H3-3A: variants seen among roughly 807,000 people sequenced by gnomAD.
H3-3A encodes histone H3.3.
For synonymous variants in H3-3A, 49 were observed against 61.4 expected (o/e 0.80, Z 0.95); for missense variants, 7 against 184.0 (o/e 0.04, Z 5.57).
At chr1:226,064,256 G>T (rs983079262) in intron 1 of H3-3A, 73 bp from the exon 2 acceptor site, 1 of 1,016,098 alleles carries the variant, frequency 9.8e-7, no homozygotes, top group Non-Finnish European at 1.5e-6. Flanking sequence ...TTTGGGGAGG[G>T]GGTGATCGTG....
rs542501207 is a variant in H3-3A, at chr1:226,070,153, G to A, written c.283-1198G>A. 2.6e-5 allele frequency among the ~76,000 whole-genome samples: 4 copies of A among 152,266 alleles called. No individual in the cohort carries two copies. The South Asian group carries it at 8.3e-4, about 32-fold the overall frequency. On this transcript the variant is annotated intron_variant, in intron 3 of 3. Coordinates refer to ENST00000366815, the MANE Select transcript of H3-3A (RefSeq NM_002107.7). ...GGAAGGTACTTGGTAGAGGACAGGG[G>A]CATGTTTCCGGGGCATAGATCAAAG...
intron 1 of H3-3A, 95 bp from the exon 2 acceptor site, chr1:226,064,234 A>C: frequency 1.2e-6 from 1 of 846,504 alleles, no homozygotes; most frequent in Non-Finnish European, 1.9e-6. Flanking sequence ...TATACTGATC[A>C]TAATTTCCAG....
At chr1:226,069,783 G>A (rs1047481812) in intron 3 of H3-3A, among the ~76,000 whole-genome samples, 3 of 151,982 alleles carry the variant, frequency 2.0e-5, no homozygotes, top group African/African-American at 4.8e-5. Flanking sequence ...GTGAGCCGAG[G>A]TTATACCACT....
intron 3 of H3-3A, 22 bp downstream of exon 3, chr1:226,065,831 C>CTCAG (rs1160876624): frequency 6.4e-7 from 1 of 1,559,456 alleles, no homozygotes; most frequent in Non-Finnish European, 8.7e-7. Flanking sequence ...GGTGGGAAGA[C>CTCAG]TCAGAGTTTG....
chr1:226,069,319 T>G (rs1301634572), intron 3 of H3-3A, among the ~76,000 whole-genome samples: 1 of 151,440 alleles, frequency 6.6e-6, no homozygotes. Context: ...AGTGCTGGGA[T>G]TACAGGCGTG....
rs965563731 is a variant in H3-3A at position 226,067,058 on chromosome 1, T to C, written c.282+1249T>C. 4 of 152,246 alleles carry C rather than the reference T, an allele frequency of 2.6e-5. No homozygotes were observed. The East Asian group carries it at 7.7e-4, about 29-fold the overall frequency. 9.4% of individuals were successfully genotyped at this position (152,246 alleles called of 1,614,324 possible). A position where few individuals can be genotyped will look rare whatever the true frequency, so the allele number is the denominator to read the frequency against. ...ATTATCTTCAGTTCTTATTTATTAC[T>C]AAATACAGAAATGTTACTAAGATTC... On this transcript the variant is annotated intron_variant, in intron 3 of 3. Coordinates refer to ENST00000366815, the MANE Select transcript of H3-3A (RefSeq NM_002107.7).
At chr1:226,070,077 G>C (rs773750539) in intron 3 of H3-3A, among the ~76,000 whole-genome samples, 1 of 152,146 alleles carries the variant, frequency 6.6e-6, no homozygotes, top group Non-Finnish European at 1.5e-5. Flanking sequence ...CAGAGAAATC[G>C]ATACTAGTAC....
intron 3 of H3-3A, among the ~76,000 whole-genome samples, chr1:226,067,551 C>T (rs534725802): frequency 7.9e-5 from 12 of 152,132 alleles, no homozygotes; most frequent in African/African-American, 2.7e-4. Flanking sequence ...CCAGCGTGGC[C>T]AACATGGTGT....
chr1:226,062,730 C>CGCA lies in H3-3A; in HGVS notation c.-102_-100dup, dbSNP rs1264377557. 6 of 164,100 alleles carry CGCA rather than the reference C, an allele frequency of 3.7e-5. No individual in the cohort carries two copies. Among genetic ancestry groups the CGCA allele is most frequent in the African/African-American group, 7.2e-5 (3 of 41,416 alleles). The allele number at this position is 164,100 out of a possible 1,614,324, so 10.2% of individuals were successfully genotyped here. ...GTGTCAGCCATCTTTCAATTGTGTTCGCAGCCGCCGCCGCGCCGCCGTCGC... is the reference window on the plus strand; with the variant it reads ...GTGTCAGCCATCTTTCAATTGTGTTCGCAGCAGCCGCCGCCGCGCCGCCGTCGC... On this transcript the variant is annotated 5_prime_UTR_variant, in exon 1 of 4. Transcript: ENST00000366815.
At chr1:226,068,130 G>C (rs1288306492) in intron 3 of H3-3A, among the ~76,000 whole-genome samples, 1 of 152,086 alleles carries the variant, frequency 6.6e-6, no homozygotes, top group Non-Finnish European at 1.5e-5. Context: ...AATTCATTAG[G>C]TCATAAATTA....
chr1:226,065,844 T>C, intron 3 of H3-3A, 35 bp downstream of exon 3: 1 of 1,506,032 alleles, frequency 6.6e-7, no homozygotes, highest in Non-Finnish European at 9.1e-7. Context: ...AGAGTTTGTA[T>C]TCCTGTTGTG....
chr1:226,063,180 C>T (rs1032931775), intron 1 of H3-3A, among the ~76,000 whole-genome samples: 2 of 152,020 alleles, frequency 1.3e-5, no homozygotes, highest in Non-Finnish European at 2.9e-5. Flanking sequence ...CCCCAGCCCC[C>T]AGTTTTCGAG....
chr1:226,062,254 C>A (rs1211391370), upstream of H3-3A, among the ~76,000 whole-genome samples: 1 of 150,158 alleles, frequency 6.7e-6, no homozygotes, highest in Non-Finnish European at 1.5e-5. Context: ...GGGGGCAGCC[C>A]CTCCCTCCCC....
At chr1:226,066,477 G>C (rs116217448) in intron 3 of H3-3A, 2 of 152,212 alleles carry the variant, frequency 1.3e-5, no homozygotes, top group Admixed American at 1.3e-4. Context: ...TCAGGACTTA[G>C]AGAAATACTG....
At chr1:226,063,631 G>A (rs937335855) in intron 1 of H3-3A, among the ~76,000 whole-genome samples, 1 of 152,162 alleles carries the variant, frequency 6.6e-6, no homozygotes, top group African/African-American at 2.4e-5. Context: ...CCCGAAGGAG[G>A]CAAAACCAAA....
chr1:226,062,849 C>T (rs1657778587), intron 1 of H3-3A, 38 bp downstream of exon 1: 4 of 158,742 alleles, frequency 2.5e-5, no homozygotes, highest in South Asian at 2.0e-4. Context: ...CGGAACCGAG[C>T]CCCGCTTGCC....
At chr1:226,068,260 C>T (rs1487519129) in intron 3 of H3-3A, among the ~76,000 whole-genome samples, 2 of 152,156 alleles carry the variant, frequency 1.3e-5, no homozygotes, top group Non-Finnish European at 2.9e-5. Flanking sequence ...TCAGTCTCCT[C>T]TCAGAGCTGA....
chr1:226,071,242 C>T (rs1029637638), intron 3 of H3-3A, 109 bp from the exon 4 acceptor site: 7 of 783,702 alleles, frequency 8.9e-6, no homozygotes, highest in Non-Finnish European at 1.5e-5. Context: ...GCATCTTGCC[C>T]AGTCATTTTT....
upstream of H3-3A, chr1:226,062,199 C>A (rs952944775): frequency 9.2e-5 from 14 of 151,476 alleles, no homozygotes; most frequent in African/African-American, 1.5e-4. Context: ...CCTCCTCCCC[C>A]ACTGCCGCCC....
Sources: gnomAD v4.1 joint callset for allele counts (sites outside exome capture counted in the v4.1 genomes callset) on GRCh38, gnomAD v4.1.1 for gene constraint, MANE v1.5 for transcripts, NCBI Gene and HGNC (gene_info 2026-07-23, HGNC 2026-07-21) for gene names.